The following ZNF532 variants were observed in gnomAD, a reference collection of about 807,000 sequenced individuals.
ZNF532 encodes the protein zinc finger protein 532.
ZNF532 carries 22 observed loss-of-function variants against 89.3 expected under a neutral mutation model. The observed-to-expected ratio is 0.25, with a 90% CI of 0.18 to 0.35. The LOEUF is 0.35. ZNF532 is among the 10% of genes least tolerant of loss of function. ZNF532 has a pLI of 1.00. For synonymous variants in ZNF532, 606 were observed against 649.6 expected (o/e 0.93, Z 1.02); for missense variants, 1,132 against 1,643.4 (o/e 0.69, Z 5.38).
chr18:58,866,953 A>G (rs960067427), intron 2 of ZNF532, among the ~76,000 whole-genome samples: 24 of 152,242 alleles, frequency 1.6e-4, no homozygotes, highest in African/African-American at 5.3e-4. Context: ...TTGGTTTTCA[A>G]TTCTCCATCA....
chr18:58,962,271 G>A (rs913873092), intron 7 of ZNF532, among the ~76,000 whole-genome samples: 7 of 151,888 alleles, frequency 4.6e-5, no homozygotes, highest in Admixed American at 2.6e-4. Flanking sequence ...CTTTCTCCTC[G>A]GACACTGGAA....
rs1383486796 is a variant in ZNF532 at position 58,984,711 on chromosome 18, A to G, written c.*245A>G. On this transcript the variant is annotated 3_prime_UTR_variant, in exon 10 of 10. Coordinates refer to ENST00000591808, the MANE Select transcript of ZNF532 (RefSeq NM_001375912.1). Reference sequence around the variant, plus strand: ...TTTATACTCTTTGTTACATGTTTGTATCAGTATTTAGTGGAAAACCATTTG... The same window carrying G: ...TTTATACTCTTTGTTACATGTTTGTGTCAGTATTTAGTGGAAAACCATTTG... The G allele has an allele frequency of 5.7e-6, 2 of 351,086 alleles. No homozygotes were observed. Among genetic ancestry groups the G allele is most frequent in the African/African-American group, 2.1e-5 (1 of 48,496 alleles). 21.7% of individuals were successfully genotyped at this position (351,086 alleles called of 1,614,324 possible).
chr18:58,977,657 CT>C (rs1174011132), intron 7 of ZNF532: 1 of 152,228 alleles, frequency 6.6e-6, no homozygotes, highest in African/African-American at 2.4e-5. Context: ...CGAGACCAGC[CT>C]GGCCAACATG....
At chr18:58,979,346 TAAAA>T in intron 8 of ZNF532, 179 bp downstream of exon 8, 1 of 347,480 alleles carries the variant, frequency 2.9e-6, no homozygotes, top group South Asian at 9.4e-5. Context: ...AATATGAAAA[TAAAA>T]AAAAAAGGAG....
intron 7 of ZNF532, among the ~76,000 whole-genome samples, chr18:58,972,565 C>T (rs2066581259): frequency 6.6e-6 from 1 of 152,136 alleles, no homozygotes; most frequent in Non-Finnish European, 1.5e-5. Flanking sequence ...ATCTGGGCCC[C>T]TTCGTCACCC....
At chr18:58,900,807 C>T (rs1173185367) in intron 2 of ZNF532, among the ~76,000 whole-genome samples, 3 of 152,178 alleles carry the variant, frequency 2.0e-5, no homozygotes, top group Admixed American at 2.0e-4. Context: ...GTACAGTCAC[C>T]ACCAGTCAAT....
intron 3 of ZNF532, among the ~76,000 whole-genome samples, chr18:58,930,627 C>CAAAAA (rs59983153): frequency 7.4e-5 from 6 of 81,184 alleles, no homozygotes; most frequent in Admixed American, 1.4e-4. Context: ...GACTCCATCT[C>CAAAAA]AAAAAAAAAA....
At chr18:58,937,564 G>C (rs1244106047) in intron 4 of ZNF532, among the ~76,000 whole-genome samples, 1 of 152,082 alleles carries the variant, frequency 6.6e-6, no homozygotes, top group East Asian at 1.9e-4. Flanking sequence ...GCTTTTCTCT[G>C]TATTCCTTTT....
At chr18:58,942,472 A>G (rs1185459744) in intron 5 of ZNF532, among the ~76,000 whole-genome samples, 1 of 151,740 alleles carries the variant, frequency 6.6e-6, no homozygotes, top group Non-Finnish European at 1.5e-5. Context: ...TTTGTAGAAG[A>G]AGTGGTTAAC....
intron 2 of ZNF532, among the ~76,000 whole-genome samples, chr18:58,879,920 G>A (rs1280908295): frequency 6.6e-6 from 1 of 152,176 alleles, no homozygotes; most frequent in South Asian, 2.1e-4. Context: ...GAACTTACCT[G>A]TAAGTAAATT....
intron 8 of ZNF532, 48 bp downstream of exon 8, chr18:58,979,215 C>T (rs2067414356): frequency 1.3e-6 from 2 of 1,508,986 alleles, no homozygotes; most frequent in African/African-American, 1.4e-5. Flanking sequence ...TCAGGAGGAA[C>T]CTCTGGAAGG....
chr18:58,951,776 A>G (rs1472481643), intron 6 of ZNF532, among the ~76,000 whole-genome samples: 1 of 150,782 alleles, frequency 6.6e-6, no homozygotes, highest in Non-Finnish European at 1.5e-5. Context: ...CTGCCTCCCA[A>G]GTAGATGGGA....
chr18:58,891,210 C>T (rs1023080150), intron 2 of ZNF532, among the ~76,000 whole-genome samples: 6 of 152,024 alleles, frequency 3.9e-5, no homozygotes, highest in African/African-American at 1.4e-4. Flanking sequence ...TGAGCCACTG[C>T]GCCCGGCCTC....
At chr18:58,904,240 A>G (rs779622956) in intron 2 of ZNF532, among the ~76,000 whole-genome samples, 6 of 151,948 alleles carry the variant, frequency 3.9e-5, no homozygotes, top group African/African-American at 7.3e-5. Context: ...AGTCCCAGCT[A>G]CTTGGGAGTC....
chr18:58,887,983 G>A (rs1024554223), intron 2 of ZNF532, among the ~76,000 whole-genome samples: 5 of 152,160 alleles, frequency 3.3e-5, no homozygotes, highest in Admixed American at 1.3e-4. Flanking sequence ...AGAGCTTTGC[G>A]TTCATAAATT....
chr18:58,880,782 G>A (rs1289292385), intron 2 of ZNF532, among the ~76,000 whole-genome samples: 1 of 151,818 alleles, frequency 6.6e-6, no homozygotes, highest in Non-Finnish European at 1.5e-5. Context: ...GTCTGTGTGT[G>A]TGTGTGTATG....
In ZNF532 at chr18:58,924,032, T is replaced by C. The variant is rs186361857; in HGVS notation, c.2346+3399T>C. Among the ~76,000 whole-genome samples the C allele has an allele frequency of 2.0e-5, 3 of 152,304 alleles. No homozygotes were observed. In the East Asian group the frequency reaches 5.8e-4, roughly 29 times the overall value. On this transcript the variant is annotated intron_variant, in intron 3 of 9. Coordinates refer to ENST00000591808, the MANE Select transcript of ZNF532 (RefSeq NM_001375912.1). ...TCACCGCATCCAGCTAATTTTTGTA[T>C]TTTTAGTAGAGACGGGGTTTCACCA...
intron 2 of ZNF532, among the ~76,000 whole-genome samples, chr18:58,912,149 G>A (rs1344617917): frequency 3.3e-5 from 5 of 152,140 alleles, no homozygotes; most frequent in Non-Finnish European, 5.9e-5. Context: ...CGTGGCATTA[G>A]TATGTGACTC....
chr18:58,933,277 T>G (rs373512887), intron 3 of ZNF532, among the ~76,000 whole-genome samples: 8 of 152,224 alleles, frequency 5.3e-5, no homozygotes, highest in African/African-American at 1.9e-4. Context: ...ATTTGTATTT[T>G]AGTCCTTTCA....
Sources: allele counts gnomAD v4.1 joint callset (sites outside exome capture counted in the v4.1 genomes callset), GRCh38; gene constraint gnomAD v4.1.1; transcripts MANE v1.5; gene names NCBI Gene and HGNC (gene_info 2026-07-23, HGNC 2026-07-21).